ATP6V0C: variants seen among roughly 807,000 people sequenced by gnomAD.
The protein encoded by ATP6V0C is V-type proton ATPase 16 kDa proteolipid subunit c.
ATP6V0C carries 2 observed loss-of-function variants against 10.6 expected under a neutral mutation model. The observed-to-expected ratio is 0.19, with a 90% CI of 0.08 to 0.59. The LOEUF is 0.59. ATP6V0C is among the 20% of genes least tolerant of loss of function. ATP6V0C has a pLI of 0.90. For missense variants in ATP6V0C, 89 were observed against 225.9 expected (o/e 0.39, Z 3.88); for synonymous variants, 128 against 101.3 (o/e 1.26, Z -1.59).
chr16:2,514,014 C>A lies in ATP6V0C; in HGVS notation c.-90C>A, dbSNP rs1374324055. 4 of 1,248,254 alleles carry A rather than the reference C, an allele frequency of 3.2e-6. No homozygotes were observed. In the East Asian group the frequency reaches 8.7e-5, roughly 27 times the overall value. 77.3% of individuals were successfully genotyped at this position (1,248,254 alleles called of 1,614,324 possible). A position where few individuals can be genotyped will look rare whatever the true frequency, so the allele number is the denominator to read the frequency against. On this transcript the variant is annotated 5_prime_UTR_variant, in exon 1 of 3. Coordinates refer to ENST00000330398, the MANE Select transcript of ATP6V0C (RefSeq NM_001694.4). ...GGGCCGGATCGCCTTCGCCGCCGCC[C>A]GCCCGCAAACCTTCGTGCCCGGCCC...
At position 2,513,980 on chromosome 16, in the gene ATP6V0C, G is replaced by A; in HGVS notation, c.-124G>A. The A allele has an allele frequency of 1.2e-6, 1 of 833,986 alleles. No homozygotes were observed. Among genetic ancestry groups the A allele is most frequent in the Non-Finnish European group, 1.8e-6 (1 of 545,888 alleles). The allele number at this position is 833,986 out of a possible 1,614,324, so 51.7% of individuals were successfully genotyped here. A position where few individuals can be genotyped will look rare whatever the true frequency, so the allele number is the denominator to read the frequency against. ...CTGCGGTGCTGGTATTTAGAGCGCA[G>A]CGGCTGACGGGCCGGATCGCCTTCG... On this transcript the variant is annotated 5_prime_UTR_variant, in exon 1 of 3. Coordinates refer to ENST00000330398, the MANE Select transcript of ATP6V0C (RefSeq NM_001694.4).
At chr16:2,516,262 G>C (rs1372825192) in intron 1 of ATP6V0C, among the ~76,000 whole-genome samples, 1 of 151,648 alleles carries the variant, frequency 6.6e-6, no homozygotes, top group Non-Finnish European at 1.5e-5. Context: ...ACAGGCACAG[G>C]CTACCATGCC....
chr16:2,513,914 G>T, upstream of ATP6V0C: 1 of 537,560 alleles, frequency 1.9e-6, no homozygotes, highest in Non-Finnish European at 3.2e-6. Flanking sequence ...CGCAGGGGCG[G>T]GGCCCAGGTC....
chr16:2,516,154 C>CCTGTGGAAA (rs2065876318), intron 1 of ATP6V0C, among the ~76,000 whole-genome samples: 1 of 149,498 alleles, frequency 6.7e-6, no homozygotes, highest in South Asian at 2.1e-4. Flanking sequence ...GCTCTGTTTC[C>CCTGTGGAAA]CAGGCTGGAG....
chr16:2,519,072 G>C, intron 1 of ATP6V0C, 146 bp from the exon 2 acceptor site: 1 of 960,302 alleles, frequency 1.0e-6, no homozygotes, highest in Non-Finnish European at 1.5e-6. Context: ...GGGTCCTCTT[G>C]CCCTGGGCTG....
chr16:2,519,094 C>A (rs911681897), intron 1 of ATP6V0C, 124 bp from the exon 2 acceptor site: 3 of 1,182,474 alleles, frequency 2.5e-6, no homozygotes, highest in South Asian at 1.7e-5. Context: ...ATGCCTTCTT[C>A]GGCTCCCCCT....
chr16:2,518,523 CTCT>C (rs1399408113), intron 1 of ATP6V0C, among the ~76,000 whole-genome samples: 3 of 152,356 alleles, frequency 2.0e-5, no homozygotes, highest in Admixed American at 1.3e-4. Context: ...TGCCCCCATC[CTCT>C]TCTTGGCTCA....
Position 2,514,008 on chromosome 16 carries a change from G to GCCGC in ATP6V0C, c.-87_-84dup, listed in dbSNP as rs2065863467. 5.1e-6 allele frequency: 6 copies of GCCGC among 1,187,690 alleles called. 1 individual carries two copies. In the South Asian group the frequency reaches 7.3e-5, roughly 14 times the overall value. 73.6% of individuals were successfully genotyped at this position (1,187,690 alleles called of 1,614,324 possible). On this transcript the variant is annotated 5_prime_UTR_variant, in exon 1 of 3. Coordinates refer to ENST00000330398, the MANE Select transcript of ATP6V0C (RefSeq NM_001694.4). Reference sequence around the variant, plus strand: ...GCTGACGGGCCGGATCGCCTTCGCCGCCGCCCGCCCGCAAACCTTCGTGCC... The same window carrying GCCGC: ...GCTGACGGGCCGGATCGCCTTCGCCGCCGCCCGCCCGCCCGCAAACCTTCGTGCC...
At chr16:2,519,450 G>C (rs369403915) in intron 2 of ATP6V0C, 49 bp downstream of exon 2, 1 of 1,574,812 alleles carries the variant, frequency 6.3e-7, no homozygotes, top group South Asian at 1.2e-5. Flanking sequence ...ACTGCAGGGA[G>C]GGGGGCGGTT....
rs11367350 is a variant in ATP6V0C at position 2,516,097 on chromosome 16, CTTTTTTTTTTTT to C, written c.79+1926_79+1937del. On this transcript the variant is annotated intron_variant, in intron 1 of 2. Coordinates refer to ENST00000330398, the MANE Select transcript of ATP6V0C (RefSeq NM_001694.4). ...TTCACTTGGCCAATTCAGACAACTG[CTTTTTTTTTTTT>C]TTTTTTTTTTCTCCCCTCCTCAAGA... Among the ~76,000 whole-genome samples the C allele has an allele frequency of 5.6e-5, 7 of 125,028 alleles. No homozygotes were observed. In the East Asian group the frequency reaches 1.5e-3, roughly 27 times the overall value. 82.0% of individuals were successfully genotyped at this position (125,028 alleles called of 152,430 possible).
rs994846104 is a variant in ATP6V0C at position 2,514,096 on chromosome 16, C to T, written c.-8C>T. The stretch of plus-strand genomic sequence containing the variant: ...CCCGCAGAGCTTGCCCCCTCCCCAC[C>T]CGCAGACATGTCCGAGTCCAAGAGC... On this transcript the variant is annotated 5_prime_UTR_variant, in exon 1 of 3. Transcript: ENST00000330398. 12 of 1,574,742 alleles carry T rather than the reference C, an allele frequency of 7.6e-6. No individual in the cohort carries two copies. The highest frequency in any genetic ancestry group is 2.4e-5 in the East Asian group (1 of 40,962).
intron 2 of ATP6V0C, 27 bp downstream of exon 2, chr16:2,519,428 C>G: frequency 1.9e-6 from 3 of 1,599,410 alleles, no homozygotes; most frequent in Non-Finnish European, 2.6e-6. Flanking sequence ...GGCCCCTGCC[C>G]AGGGCTGGAG....
intron 1 of ATP6V0C, 30 bp downstream of exon 1, chr16:2,514,212 G>C: frequency 6.6e-7 from 1 of 1,522,824 alleles, no homozygotes; most frequent in Non-Finnish European, 8.8e-7. Flanking sequence ...GGACTCGGGG[G>C]CGGGGGCGCG....
chr16:2,519,933 C>G lies in ATP6V0C; in HGVS notation c.*188C>G, dbSNP rs75618318. 23 of 841,774 alleles carry G rather than the reference C, an allele frequency of 2.7e-5. No individual in the cohort carries two copies. The East Asian group carries it at 5.8e-4, about 21-fold the overall frequency. The allele number at this position is 841,774 out of a possible 1,614,324, so 52.1% of individuals were successfully genotyped here. A position where few individuals can be genotyped will look rare whatever the true frequency, so the allele number is the denominator to read the frequency against. On this transcript the variant is annotated 3_prime_UTR_variant, in exon 3 of 3. Transcript: ENST00000330398. ...CCCGCCCGCCCCGTGCCGTGGACAT[C>G]TGGGCCCACTCATCGCCCCTCCAGG...
chr16:2,515,010 T>A (rs533998321), intron 1 of ATP6V0C, among the ~76,000 whole-genome samples: 2 of 152,134 alleles, frequency 1.3e-5, no homozygotes, highest in Admixed American at 1.3e-4. Flanking sequence ...AGGCTTCCAG[T>A]TGTGGTCCTA....
intron 1 of ATP6V0C, among the ~76,000 whole-genome samples, chr16:2,518,486 A>C (rs2065888279): frequency 6.6e-6 from 1 of 152,024 alleles, no homozygotes. Context: ...TCGTAGTTGG[A>C]CTGTTGATGA....
rs746147741 is a variant in ATP6V0C at position 2,519,736 on chromosome 16, C to G, written c.459C>G (p.Ser153=). The G allele has an allele frequency of 6.2e-7, 1 of 1,602,394 alleles. No homozygotes were observed. ...GTCTCATCGTCGCCCTCATCCTCTC[C>G]ACAAAGTAGACCCTCTCCGAGCCCA... The part of the protein sequence containing the change: ...LYGLIVALIL[S]TK Residue 153 remains serine, a synonymous_variant, in exon 3 of 3, where the codon TCC becomes TCG. Transcript: ENST00000330398.
intron 1 of ATP6V0C, among the ~76,000 whole-genome samples, chr16:2,515,327 C>T (rs1043807902): frequency 2.6e-5 from 4 of 152,176 alleles, no homozygotes. Flanking sequence ...CTGGTTTTAG[C>T]TTTGATGACC....
intron 1 of ATP6V0C, chr16:2,519,002 G>C (rs1013080216): frequency 1.9e-6 from 1 of 530,008 alleles, no homozygotes; most frequent in South Asian, 2.6e-5. Flanking sequence ...GGGGCCTCAC[G>C]TAGAGGAAGG....
Sources: gnomAD v4.1 joint callset for allele counts (sites outside exome capture counted in the v4.1 genomes callset) on GRCh38, gnomAD v4.1.1 for gene constraint, MANE v1.5 for transcripts, NCBI Gene and HGNC (gene_info 2026-07-23, HGNC 2026-07-21) for gene names.